Variants in SHISAL2B observed in about 807,000 individuals in gnomAD.
SHISAL2B encodes shisa like 2B.
Under a neutral mutation model 16.5 loss-of-function variants are expected in SHISAL2B, and 12 were observed. That is an observed-to-expected ratio of 0.73 (90% CI 0.47 to 1.18). SHISAL2B has a LOEUF of 1.18. Among genes scored for constraint, SHISAL2B ranks in the 50% most tolerant of loss-of-function variants. The pLI, the probability that SHISAL2B is intolerant of heterozygous loss-of-function variation, is 0.00. For missense variants in SHISAL2B, 183 were observed against 193.6 expected (o/e 0.95, Z 0.33); for synonymous variants, 72 against 75.0 (o/e 0.96, Z 0.21).
Position 64,690,643 on chromosome 5 carries a change from T to C in SHISAL2B, c.20T>C (p.Leu7Pro), listed in dbSNP as rs779055665. The C allele has an allele frequency of 2.7e-5, 41 of 1,509,210 alleles. No homozygotes were observed. The highest frequency in any genetic ancestry group is 3.4e-5 in the Non-Finnish European group (38 of 1,130,116). The allele number at this position is 1,509,210 out of a possible 1,614,324, so 93.5% of individuals were successfully genotyped here. MSEASR[L>P]CSGYYSLNQS... is the part of the protein sequence containing the mutation. ...CCCGCGATGAGCGAGGCCAGCCGAC[T>C]GTGCTCCGGCTACTACAGCCTCAAC... Residue 7 changes from leucine to proline, a missense_variant, in exon 1 of 3, where the codon CTG becomes CCG. Coordinates refer to ENST00000389074, the MANE Select transcript of SHISAL2B (RefSeq NM_001164442.2).
intron 2 of SHISAL2B, among the ~76,000 whole-genome samples, chr5:64,714,298 A>T (rs752614153): frequency 3.5e-5 from 5 of 141,112 alleles, no homozygotes; most frequent in East Asian, 2.1e-4. Context: ...AATACCCTGC[A>T]GTGTGAGGTG....
intron 2 of SHISAL2B, among the ~76,000 whole-genome samples, chr5:64,715,797 C>A (rs1742040801): frequency 6.6e-6 from 1 of 151,888 alleles, no homozygotes. Context: ...TATTAGAAAC[C>A]ATTTTTTTTA....
chr5:64,695,173 G>A (rs966553730), intron 1 of SHISAL2B, among the ~76,000 whole-genome samples: 9 of 151,368 alleles, frequency 5.9e-5, no homozygotes, highest in Admixed American at 3.3e-4. Context: ...GCTGAGGCAC[G>A]AGAATCACTT....
At chr5:64,717,023 AAG>A (rs1742066340) in intron 2 of SHISAL2B, among the ~76,000 whole-genome samples, 1 of 152,174 alleles carries the variant, frequency 6.6e-6, no homozygotes, top group Non-Finnish European at 1.5e-5. Context: ...GGTGAGAGAA[AAG>A]AGAGGCATCA....
intron 1 of SHISAL2B, among the ~76,000 whole-genome samples, chr5:64,693,228 C>T (rs1452051546): frequency 6.6e-6 from 1 of 152,078 alleles, no homozygotes. Context: ...AGGATGGTCT[C>T]AATCTCCTGA....
chr5:64,717,967 A>G lies in SHISAL2B; in HGVS notation c.428A>G (p.Asp143Gly). ...ACAAATGAAACATACTATGAAGCTG[A>G]TGATATAATTCAAGAAAAAACAATG... is the stretch of plus-strand genomic sequence containing the variant. ...NATNETYYEA[D>G]DIIQEKTMDA... The change falls in exon 3 of 3, where the codon GAT becomes GGT. Residue 143 changes from aspartate to glycine, a missense_variant. Physicochemically the swap from Asp to Gly is moderately conservative, Grantham distance 94. Coordinates refer to ENST00000389074, the MANE Select transcript of SHISAL2B (RefSeq NM_001164442.2). The G allele has an allele frequency of 6.6e-7, 1 of 1,522,528 alleles. No homozygotes were observed. The highest frequency in any genetic ancestry group is 8.7e-7 in the Non-Finnish European group (1 of 1,143,822). 94.3% of individuals were successfully genotyped at this position (1,522,528 alleles called of 1,614,324 possible).
intron 2 of SHISAL2B, among the ~76,000 whole-genome samples, chr5:64,698,714 T>A (rs1741770444): frequency 6.6e-6 from 1 of 152,228 alleles, no homozygotes; most frequent in Non-Finnish European, 1.5e-5. Context: ...GTCTATCTTT[T>A]GTCCACTCCA....
At chr5:64,714,224 G>T (rs1267048847) in intron 2 of SHISAL2B, among the ~76,000 whole-genome samples, 15 of 141,216 alleles carry the variant, frequency 1.1e-4, no homozygotes, top group Non-Finnish European at 1.7e-4. Flanking sequence ...TTTCGGTGTG[G>T]ATGTCCTTTC....
intron 2 of SHISAL2B, among the ~76,000 whole-genome samples, chr5:64,696,370 C>T (rs1199036713): frequency 6.6e-6 from 1 of 152,128 alleles, no homozygotes; most frequent in Non-Finnish European, 1.5e-5. Flanking sequence ...GAAATCAGTG[C>T]ACCTTGAAAA....
At chr5:64,715,222 T>C (rs1159862824) in intron 2 of SHISAL2B, among the ~76,000 whole-genome samples, 3 of 152,018 alleles carry the variant, frequency 2.0e-5, no homozygotes, top group African/African-American at 7.3e-5. Flanking sequence ...AGCAGTTTAG[T>C]TATAGAAAGC....
At chr5:64,692,917 T>C (rs1181173716) in intron 1 of SHISAL2B, among the ~76,000 whole-genome samples, 3 of 152,174 alleles carry the variant, frequency 2.0e-5, no homozygotes. Context: ...TTAATAAGTA[T>C]TTATTGAAAT....
At chr5:64,710,463 G>C (rs1469582174) in intron 2 of SHISAL2B, among the ~76,000 whole-genome samples, 1 of 50,740 alleles carries the variant, frequency 2.0e-5, no homozygotes, top group South Asian at 8.9e-4. Context: ...TTTGAAGTCA[G>C]GTAGTGTGAT....
At position 64,717,845 on chromosome 5, in the gene SHISAL2B, G is replaced by A. The variant is rs545125021; in HGVS notation, c.350-44G>A. 2.7e-4 allele frequency: 392 copies of A among 1,466,850 alleles called. No individual in the cohort carries two copies. The South Asian group carries it at 5.1e-3, about 19-fold the overall frequency. 90.9% of individuals were successfully genotyped at this position (1,466,850 alleles called of 1,614,324 possible). A position where few individuals can be genotyped will look rare whatever the true frequency, so the allele number is the denominator to read the frequency against. ...AAGTGCAAATTTTTATAAGTGAAAC[G>A]ATGTCATAATTTCAAATAATTATTT... On this transcript the variant is annotated intron_variant, in intron 2 of 2. Coordinates refer to ENST00000389074, the MANE Select transcript of SHISAL2B (RefSeq NM_001164442.2).
At chr5:64,698,118 T>A (rs1165420055) in intron 2 of SHISAL2B, among the ~76,000 whole-genome samples, 2 of 152,246 alleles carry the variant, frequency 1.3e-5, no homozygotes, top group African/African-American at 2.4e-5. Context: ...AATCAATTTT[T>A]ATCTCAATTG....
At chr5:64,697,521 A>C (rs1454258253) in intron 2 of SHISAL2B, among the ~76,000 whole-genome samples, 1 of 152,202 alleles carries the variant, frequency 6.6e-6, no homozygotes, top group African/African-American at 2.4e-5. Context: ...TCAATTGCAA[A>C]GAATTGTTAA....
chr5:64,713,778 A>G (rs1233153967), intron 2 of SHISAL2B, among the ~76,000 whole-genome samples: 1 of 119,776 alleles, frequency 8.3e-6, no homozygotes, highest in Non-Finnish European at 1.6e-5. Context: ...TTCTCGCTTC[A>G]TTTCATTCAT....
intron 2 of SHISAL2B, among the ~76,000 whole-genome samples, chr5:64,698,572 C>T (rs1048536044): frequency 7.9e-5 from 12 of 152,206 alleles, no homozygotes; most frequent in African/African-American, 2.2e-4. Flanking sequence ...TCAAAAGTTA[C>T]CTTCCCAGGA....
At chr5:64,709,545 A>G (rs930503647) in intron 2 of SHISAL2B, among the ~76,000 whole-genome samples, 13 of 151,384 alleles carry the variant, frequency 8.6e-5, no homozygotes, top group African/African-American at 2.9e-4. Context: ...TCATTTGGGT[A>G]TATACCTAGT....
At chr5:64,712,640 G>T (rs1241077772) in intron 2 of SHISAL2B, among the ~76,000 whole-genome samples, 1 of 151,602 alleles carries the variant, frequency 6.6e-6, no homozygotes, top group Non-Finnish European at 1.5e-5. Flanking sequence ...ACAGTGGGGT[G>T]TTAAAGTCTC....
Sources: allele counts gnomAD v4.1 joint callset (sites outside exome capture counted in the v4.1 genomes callset), GRCh38; gene constraint gnomAD v4.1.1; transcripts MANE v1.5; gene names NCBI Gene and HGNC (gene_info 2026-07-23, HGNC 2026-07-21).